The following PCDH15 variants were observed in gnomAD, a reference collection of about 807,000 sequenced individuals.
PCDH15 encodes the protein protocadherin-15.
A neutral mutation model predicts 178.5 loss-of-function variants in PCDH15; 129 were observed. The observed-to-expected ratio is 0.72, with a 90% confidence interval of 0.63 to 0.84. The LOEUF is 0.84. PCDH15 is among the 40% of genes least tolerant of loss of function. PCDH15 has a pLI of 0.00. For missense variants in PCDH15, 2,230 were observed against 2,099.9 expected (o/e 1.06, Z -1.21); for synonymous variants, 800 against 732.0 (o/e 1.09, Z -1.50).
rs372558841 is a variant in PCDH15, at chr10:54,029,767, C to T, written c.2221-6570G>A. On this transcript the variant is annotated intron_variant, in intron 18 of 37. Transcript: ENST00000644397. ...TTAAACACTAAATTCATTCCCCACCCCTTTTTTTCTCATTATCTTCTTAGA... is the reference window on the plus strand; with the variant it reads ...TTAAACACTAAATTCATTCCCCACCTCTTTTTTTCTCATTATCTTCTTAGA... 2.6e-5 allele frequency among the ~76,000 whole-genome samples: 4 copies of T among 152,110 alleles called. No individual in the cohort carries two copies. The South Asian group carries it at 6.2e-4, about 24-fold the overall frequency.
At chr10:54,138,903 CG>C (rs1033956395) in intron 14 of PCDH15, among the ~76,000 whole-genome samples, 3 of 151,712 alleles carry the variant, frequency 2.0e-5, no homozygotes, top group Admixed American at 6.6e-5. Flanking sequence ...TCATGTATTA[CG>C]TTTTTTTTTG....
chr10:54,197,614 C>G (rs1397148305), intron 10 of PCDH15, among the ~76,000 whole-genome samples: 4 of 152,042 alleles, frequency 2.6e-5, no homozygotes, highest in Non-Finnish European at 5.9e-5. Flanking sequence ...AGTAGCTCAG[C>G]TAGAGATCTC....
chr10:54,070,009 T>G (rs2135848447), intron 17 of PCDH15, among the ~76,000 whole-genome samples: 1 of 152,338 alleles, frequency 6.6e-6, no homozygotes, highest in Non-Finnish European at 1.5e-5. Context: ...GCTCACTGAT[T>G]ATTTCCTCAA....
intron 1 of PCDH15, among the ~76,000 whole-genome samples, chr10:55,203,511 C>G (rs895159171): frequency 2.0e-5 from 3 of 151,764 alleles, no homozygotes; most frequent in South Asian, 2.1e-4. Context: ...CATCAGAAGC[C>G]GACATTAGGA....
At chr10:54,492,415 A>G (rs2079683608) in intron 3 of PCDH15, among the ~76,000 whole-genome samples, 1 of 152,174 alleles carries the variant, frequency 6.6e-6, no homozygotes, top group South Asian at 2.1e-4. Flanking sequence ...AATGAATAAA[A>G]TGTGGTGGAT....
At chr10:55,051,875 T>C (rs973028527) in intron 2 of PCDH15, among the ~76,000 whole-genome samples, 6 of 152,162 alleles carry the variant, frequency 3.9e-5, no homozygotes, top group African/African-American at 1.4e-4. Flanking sequence ...TGGGCTCCAG[T>C]GCTCATTTGG....
At chr10:54,963,086 A>G (rs879636130) in intron 2 of PCDH15, among the ~76,000 whole-genome samples, 1 of 152,178 alleles carries the variant, frequency 6.6e-6, no homozygotes, top group Non-Finnish European at 1.5e-5. Flanking sequence ...GTTAAATACA[A>G]GGGTTTTTTG....
intron 3 of PCDH15, among the ~76,000 whole-genome samples, chr10:54,493,160 C>A (rs954526312): frequency 6.6e-6 from 1 of 152,094 alleles, no homozygotes; most frequent in African/African-American, 2.4e-5. Flanking sequence ...GGTGGGAACA[C>A]AGTCAACCAT....
At chr10:55,611,857 T>C (rs924299946) in intron 2 of PCDH15, among the ~76,000 whole-genome samples, 1 of 152,064 alleles carries the variant, frequency 6.6e-6, no homozygotes, top group African/African-American at 2.4e-5. Flanking sequence ...GAGAAAATTC[T>C]GTCATTTGTG....
intron 21 of PCDH15, among the ~76,000 whole-genome samples, chr10:53,977,856 C>A (rs548801400): frequency 6.6e-6 from 1 of 152,302 alleles, no homozygotes; most frequent in South Asian, 2.1e-4. Context: ...AGGCCCCATG[C>A]ATGTCTAAAA....
intron 1 of PCDH15, among the ~76,000 whole-genome samples, chr10:55,191,620 T>G (rs538679546): frequency 6.6e-6 from 1 of 152,020 alleles, no homozygotes; most frequent in African/African-American, 2.4e-5. Flanking sequence ...TTACAAGATG[T>G]TTGCAACAAT....
At chr10:54,279,611 C>T (rs1265058420) in intron 8 of PCDH15, among the ~76,000 whole-genome samples, 3 of 147,874 alleles carry the variant, frequency 2.0e-5, no homozygotes, top group Non-Finnish European at 4.6e-5. Context: ...ACAAATATTT[C>T]CAGATATCAT....
At chr10:55,195,020 A>G (rs61851065) in intron 1 of PCDH15, among the ~76,000 whole-genome samples, 1 of 149,672 alleles carries the variant, frequency 6.7e-6, no homozygotes, top group Non-Finnish European at 1.5e-5. Context: ...ATGGAAGAAG[A>G]AAATTTTTTT....
intron 2 of PCDH15, among the ~76,000 whole-genome samples, chr10:55,616,237 C>T (rs536329284): frequency 1.3e-5 from 2 of 152,254 alleles, no homozygotes; most frequent in Non-Finnish European, 2.9e-5. Context: ...ACAGTAACAA[C>T]ACACTTTAAC....
At chr10:54,319,699 A>G (rs1428730473) in intron 7 of PCDH15, among the ~76,000 whole-genome samples, 1 of 149,534 alleles carries the variant, frequency 6.7e-6, no homozygotes, top group Non-Finnish European at 1.5e-5. Flanking sequence ...AAAAGTAATT[A>G]TACTAACAGA....
At chr10:53,886,851 G>A (rs562647256) in intron 26 of PCDH15, among the ~76,000 whole-genome samples, 1 of 152,170 alleles carries the variant, frequency 6.6e-6, no homozygotes, top group East Asian at 1.9e-4. Context: ...GCTGAGTGTC[G>A]AAATCCCTCC....
In PCDH15 at chr10:53,806,955, C is replaced by T. The variant is rs149507962; in HGVS notation, c.4847G>A (p.Arg1616His). The T allele has an allele frequency of 4.6e-5, 74 of 1,613,804 alleles. 1 individual carries two copies. The highest frequency in any genetic ancestry group is 1.6e-4 in the Middle Eastern group (1 of 6,062). ...TTTTAAGTTGTCCGTGAGGCAGGCA[C>T]GGCGGGTTCTCACCACAGAACCATT... The part of the protein sequence containing the change: ...AQNGSVVRTR[R>H]ACLTDNLKVA... Residue 1616 changes from arginine (R) to histidine (H), a missense_variant, in exon 38 of 38, where the codon CGT becomes CAT. Arg to His is a conservative substitution (Grantham distance 29, BLOSUM62 0). Coordinates refer to ENST00000644397, the MANE Select transcript of PCDH15 (RefSeq NM_001384140.1).
intron 3 of PCDH15, among the ~76,000 whole-genome samples, chr10:54,416,150 A>AT (rs1463667894): frequency 6.6e-6 from 1 of 151,908 alleles, no homozygotes; most frequent in Non-Finnish European, 1.5e-5. Flanking sequence ...TACACATAAA[A>AT]TTTTTAAAAT....
intron 2 of PCDH15, among the ~76,000 whole-genome samples, chr10:54,998,846 A>C (rs1839716670): frequency 6.6e-6 from 1 of 152,202 alleles, no homozygotes; most frequent in East Asian, 1.9e-4. Context: ...GGTATTTTGT[A>C]GACTTAAAGA....
Sources: gnomAD v4.1 joint callset for allele counts (sites outside exome capture counted in the v4.1 genomes callset) on GRCh38, gnomAD v4.1.1 for gene constraint, MANE v1.5 for transcripts, NCBI Gene and HGNC (gene_info 2026-07-23, HGNC 2026-07-21) for gene names.